EMP2: variants seen among roughly 807,000 people sequenced by gnomAD.
The protein encoded by EMP2 is epithelial membrane protein 2.
Under a neutral mutation model 13.7 loss-of-function variants are expected in EMP2, and 19 were observed. That is an observed-to-expected ratio of 1.38 (90% CI 0.97 to 2.03). The LOEUF (loss-of-function observed/expected upper bound fraction) is 2.03, where lower values mean the gene tolerates loss of function less well. Among genes scored for constraint, EMP2 ranks in the 30% most tolerant of loss-of-function variants. The pLI is 0.00. For synonymous variants in EMP2, 97 were observed against 84.7 expected, an observed-to-expected ratio of 1.15 and a Z score of -0.80; for missense variants, 253 against 220.7, an observed-to-expected ratio of 1.15 and a Z score of -0.93.
At chr16:10,567,776 GGTTGTAC>G (rs1328054287) in intron 1 of EMP2, among the ~76,000 whole-genome samples, 1 of 152,176 alleles carries the variant, frequency 6.6e-6, no homozygotes, top group Non-Finnish European at 1.5e-5. Context: ...ATCCTCCCAG[GGTTGTAC>G]ATGGACTCCC....
chr16:10,556,041 A>G (rs2050825657), intron 1 of EMP2, among the ~76,000 whole-genome samples: 1 of 151,766 alleles, frequency 6.6e-6, no homozygotes, highest in Non-Finnish European at 1.5e-5. Flanking sequence ...TTTGCACCCC[A>G]TCTCCTTCCT....
chr16:10,555,052 A>G (rs1159112059), intron 1 of EMP2, among the ~76,000 whole-genome samples: 1 of 152,172 alleles, frequency 6.6e-6, no homozygotes, highest in Non-Finnish European at 1.5e-5. Context: ...GTAGAGCTGT[A>G]AAGGCCCTTG....
intron 1 of EMP2, among the ~76,000 whole-genome samples, chr16:10,552,755 A>G (rs1217136447): frequency 6.6e-6 from 1 of 152,232 alleles, no homozygotes; most frequent in African/African-American, 2.4e-5. Flanking sequence ...AAGTAAAAGG[A>G]CAGGTGGTCC....
rs761595098 is a variant in EMP2, at chr16:10,533,074, G to A, written c.335C>T (p.Ala112Val). ...QLMSCLCVMI[A>V]ASIYTDRRED... ...ACGCCTGTCTGTATAAATGGAGGCC[G>A]CAATCATGACACACAGACCTGTCAG... Residue 112 changes from alanine (A) to valine (V), a missense_variant, in exon 5 of 5, where the codon GCG becomes GTG. Ala to Val is a moderately conservative substitution (Grantham distance 64). Transcript: ENST00000359543. 1.2e-5 allele frequency: 19 copies of A among 1,584,614 alleles called. No individual in the cohort carries two copies. Among genetic ancestry groups the A allele is most frequent in the East Asian group, 6.9e-5 (3 of 43,366 alleles).
intron 1 of EMP2, among the ~76,000 whole-genome samples, chr16:10,549,017 G>A (rs184245206): frequency 2.4e-4 from 36 of 152,270 alleles, no homozygotes; most frequent in African/African-American, 6.0e-4. Flanking sequence ...GGCCATTTCC[G>A]GGCTGATGCA....
chr16:10,552,352 AG>A (rs2050794850), intron 1 of EMP2, among the ~76,000 whole-genome samples: 1 of 152,214 alleles, frequency 6.6e-6, no homozygotes, highest in African/African-American at 2.4e-5. Context: ...AAAAGAAAAA[AG>A]GTTTTAACCC....
rs1504883 is a variant in EMP2, at chr16:10,538,088, G to C, written c.170-14C>G. 1.2e-6 allele frequency: 2 copies of C among 1,612,386 alleles called. No homozygotes were observed. Among genetic ancestry groups the C allele is most frequent in the South Asian group, 2.2e-5 (2 of 91,010 alleles). ...GCGTGGAGTACTCTGCGGGAAAAGG[G>C]CAGGGGCGCAGGACTGAGGACCTTG... On this transcript the variant is annotated splice_polypyrimidine_tract_variant and intron_variant, in intron 3 of 4. Transcript: ENST00000359543.
chr16:10,543,497 A>G, intron 3 of EMP2, 73 bp downstream of exon 3: 3 of 1,532,048 alleles, frequency 2.0e-6, no homozygotes, highest in Non-Finnish European at 2.7e-6. Flanking sequence ...GAGTCGGGGA[A>G]CCCGAAGCCT....
chr16:10,555,981 C>T (rs547779669), intron 1 of EMP2, among the ~76,000 whole-genome samples: 1 of 152,276 alleles, frequency 6.6e-6, no homozygotes, highest in African/African-American at 2.4e-5. Flanking sequence ...TCTTGGTTAA[C>T]TTAATTATTA....
chr16:10,538,049 C>T lies in EMP2; in HGVS notation c.195G>A (p.Gln65=), dbSNP rs997680508. 6.2e-7 allele frequency: 1 copy of T among 1,613,842 alleles called. No homozygotes were observed. Among genetic ancestry groups the T allele is most frequent in the African/African-American group, 1.3e-5 (1 of 74,894 alleles). The change falls in exon 4 of 5, where the codon CAG becomes CAA. Residue 65 remains glutamine (Q), a synonymous_variant. Coordinates refer to ENST00000359543, the MANE Select transcript of EMP2 (RefSeq NM_001424.6). ...FQEYSTLQAV[Q]ATMILSTILC... is the part of the protein sequence containing the mutation. ...GAATGGTGGAGAGGATCATGGTGGC[C>T]TGGACCGCCTGCAGCGTGGAGTACT... is the stretch of plus-strand genomic sequence containing the variant.
intron 4 of EMP2, among the ~76,000 whole-genome samples, 163 bp downstream of exon 4, chr16:10,537,765 C>A (rs1049552187): frequency 6.6e-6 from 1 of 150,650 alleles, no homozygotes; most frequent in Admixed American, 6.6e-5. Flanking sequence ...TGCGCCCACA[C>A]ACACACACAC....
chr16:10,538,119 C>A, intron 3 of EMP2, 45 bp from the exon 4 acceptor site: 1 of 1,604,640 alleles, frequency 6.2e-7, no homozygotes, highest in South Asian at 1.1e-5. Context: ...CCTTGGCCAG[C>A]CGGCACTGTG....
chr16:10,532,788 G>A lies in EMP2; in HGVS notation c.*117C>T. ...TTTTTTTTTTTTTTTTTTTTTTTTGGCTTTTAAAGGAAACAATACGTTTGC... is the reference window on the plus strand; with the variant it reads ...TTTTTTTTTTTTTTTTTTTTTTTTGACTTTTAAAGGAAACAATACGTTTGC... On this transcript the variant is annotated 3_prime_UTR_variant, in exon 5 of 5. Transcript: ENST00000359543. 2 of 54,710 alleles carry A rather than the reference G, an allele frequency of 3.7e-5. No homozygotes were observed. Among genetic ancestry groups the A allele is most frequent in the Non-Finnish European group, 6.3e-5 (2 of 31,898 alleles). 3.4% of individuals were successfully genotyped at this position (54,710 alleles called of 1,614,324 possible).
intron 1 of EMP2, among the ~76,000 whole-genome samples, chr16:10,557,176 G>A (rs1292334202): frequency 6.6e-6 from 1 of 152,044 alleles, no homozygotes; most frequent in East Asian, 1.9e-4. Flanking sequence ...GGCCAACATG[G>A]CAAAACGCTG....
intron 1 of EMP2, among the ~76,000 whole-genome samples, chr16:10,575,237 C>CATTTTTTTTT (rs2050975115): frequency 1.9e-5 from 1 of 52,500 alleles, no homozygotes; most frequent in African/African-American, 6.4e-5. Context: ...AGCTTGCATT[C>CATTTTTTTTT]TTTTTTTTTT....
intron 1 of EMP2, among the ~76,000 whole-genome samples, chr16:10,579,089 C>T (rs769176058): frequency 8.5e-5 from 13 of 152,170 alleles, no homozygotes; most frequent in African/African-American, 2.9e-4. Flanking sequence ...AACAGGAGAG[C>T]GTGCTGGAAA....
At chr16:10,553,307 G>C (rs1361381888) in intron 1 of EMP2, among the ~76,000 whole-genome samples, 1 of 152,188 alleles carries the variant, frequency 6.6e-6, no homozygotes, top group Non-Finnish European at 1.5e-5. Context: ...TATTGATTGC[G>C]AGAACACTTA....
chr16:10,536,373 C>A (rs1019533508), intron 4 of EMP2, among the ~76,000 whole-genome samples: 9 of 152,086 alleles, frequency 5.9e-5, no homozygotes, highest in African/African-American at 2.2e-4. Flanking sequence ...TTGTAATAAT[C>A]CCCACATGTC....
At chr16:10,538,136 A>T in intron 3 of EMP2, 62 bp from the exon 4 acceptor site, 1 of 1,583,680 alleles carries the variant, frequency 6.3e-7, no homozygotes, top group Non-Finnish European at 8.6e-7. Flanking sequence ...TGTGGGGTAC[A>T]CAGCGACCGC....
Sources: gnomAD v4.1 joint callset for allele counts (sites outside exome capture counted in the v4.1 genomes callset) on GRCh38, gnomAD v4.1.1 for gene constraint, MANE v1.5 for transcripts, NCBI Gene and HGNC (gene_info 2026-07-23, HGNC 2026-07-21) for gene names.